SOX5: variants seen among roughly 807,000 people sequenced by gnomAD.
SOX5 encodes the protein transcription factor SOX-5.
In SOX5, 9 loss-of-function variants were observed where a neutral mutation model predicts 92.0. The ratio of observed to expected loss-of-function variants is 0.10; its 90% CI spans 0.06 to 0.17. SOX5 has a LOEUF of 0.17. Ranked by LOEUF, SOX5 falls within the 10% of genes least tolerant of loss-of-function variation. The probability of loss-of-function intolerance (pLI) is 1.00; values close to 1 mark genes in which losing one functional copy is unlikely to be tolerated. For synonymous variants in SOX5, 344 were observed against 336.3 expected, an observed-to-expected ratio of 1.02 and a Z score of -0.25; for missense variants, 642 against 944.5, an observed-to-expected ratio of 0.68 and a Z score of 4.20.
intron 7 of SOX5, among the ~76,000 whole-genome samples, chr12:23,665,232 T>C (rs546590103): frequency 8.6e-5 from 13 of 151,826 alleles, no homozygotes; most frequent in African/African-American, 3.1e-4. Context: ...AGTCATGAAA[T>C]TGAATTATAA....
chr12:24,414,968 T>C (rs1964767759), intron 1 of SOX5, among the ~76,000 whole-genome samples: 1 of 152,198 alleles, frequency 6.6e-6, no homozygotes, highest in African/African-American at 2.4e-5. Flanking sequence ...ATGCAAATTA[T>C]ATTTCTTTGT....
chr12:23,985,356 C>T (rs1026472826), intron 4 of SOX5, among the ~76,000 whole-genome samples: 16 of 152,002 alleles, frequency 1.1e-4, no homozygotes, highest in Non-Finnish European at 1.8e-4. Flanking sequence ...TCAAGTGATC[C>T]TTCTGTCTTG....
At chr12:24,153,781 A>G (rs921825985) in intron 4 of SOX5, among the ~76,000 whole-genome samples, 1 of 152,144 alleles carries the variant, frequency 6.6e-6, no homozygotes, top group Non-Finnish European at 1.5e-5. Context: ...GATGATCCTG[A>G]TCTGTGAAAA....
intron 1 of SOX5, among the ~76,000 whole-genome samples, chr12:24,414,873 C>G (rs1051229819): frequency 1.6e-4 from 25 of 152,140 alleles, no homozygotes; most frequent in African/African-American, 6.0e-4. Flanking sequence ...GAGCTTTTAC[C>G]CTTGTCTTTT....
At chr12:23,779,479 A>G (rs1462262901) in intron 3 of SOX5, among the ~76,000 whole-genome samples, 2 of 151,466 alleles carry the variant, frequency 1.3e-5, no homozygotes, top group African/African-American at 4.9e-5. Context: ...CACATATTCA[A>G]AAATAACCAA....
At chr12:24,554,125 A>G (rs1205443395) in intron 1 of SOX5, among the ~76,000 whole-genome samples, 4 of 152,232 alleles carry the variant, frequency 2.6e-5, no homozygotes, top group African/African-American at 7.2e-5. Context: ...GCATCACAAG[A>G]ACTTGCATGC....
chr12:23,829,476 C>T (rs1033944326), intron 3 of SOX5, among the ~76,000 whole-genome samples: 1 of 152,100 alleles, frequency 6.6e-6, no homozygotes, highest in Non-Finnish European at 1.5e-5. Context: ...TAAGTGATAT[C>T]CCCAAAAGCT....
intron 2 of SOX5, among the ~76,000 whole-genome samples, chr12:24,322,520 T>C (rs1950300535): frequency 6.6e-6 from 1 of 152,182 alleles, no homozygotes; most frequent in South Asian, 2.1e-4. Context: ...TGTCCTCTTA[T>C]CCCTTCTAGT....
chr12:24,138,491 T>C (rs752011520), intron 4 of SOX5, among the ~76,000 whole-genome samples: 3 of 152,236 alleles, frequency 2.0e-5, no homozygotes, highest in Non-Finnish European at 2.9e-5. Context: ...TTTGGTTTAG[T>C]TGTGCATTAA....
At chr12:23,640,962 A>G in intron 7 of SOX5, 65 bp from the exon 8 acceptor site, 6 of 1,065,244 alleles carry the variant, frequency 5.6e-6, no homozygotes, top group Non-Finnish European at 8.5e-6. Context: ...AATTAAACTC[A>G]TGCATTCACT....
intron 8 of SOX5, among the ~76,000 whole-genome samples, chr12:23,626,891 G>T (rs2077892127): frequency 6.6e-6 from 1 of 151,892 alleles, no homozygotes; most frequent in Non-Finnish European, 1.5e-5. Context: ...GAAGACACTG[G>T]CAATGACCTT....
intron 3 of SOX5, among the ~76,000 whole-genome samples, chr12:24,252,818 A>C (rs551184837): frequency 3.4e-4 from 52 of 152,330 alleles, no homozygotes; most frequent in Non-Finnish European, 5.4e-4. Context: ...AAGCCCTTTT[A>C]CAGCTCCAAT....
intron 1 of SOX5, among the ~76,000 whole-genome samples, chr12:23,928,596 CAATA>C (rs1317427760): frequency 3.3e-5 from 5 of 151,486 alleles, no homozygotes; most frequent in African/African-American, 1.2e-4. Flanking sequence ...AATAATAAAA[CAATA>C]AACAATAAAA....
At chr12:24,229,856 G>T (rs1416204946) in intron 3 of SOX5, among the ~76,000 whole-genome samples, 1 of 152,120 alleles carries the variant, frequency 6.6e-6, no homozygotes, top group African/African-American at 2.4e-5. Context: ...TGATAATATT[G>T]TCTTTCTTTT....
chr12:24,034,311 G>C (rs1955800590), intron 4 of SOX5, among the ~76,000 whole-genome samples: 1 of 151,956 alleles, frequency 6.6e-6, no homozygotes, highest in Admixed American at 6.6e-5. Flanking sequence ...TTAAAATGAA[G>C]CTACTTGTTT....
chr12:24,501,351 G>C (rs1948176102), intron 1 of SOX5, among the ~76,000 whole-genome samples: 1 of 146,620 alleles, frequency 6.8e-6, no homozygotes. Context: ...CGTTTGGGTA[G>C]TACTTCAACT....
chr12:24,443,350 A>T (rs1940952808), intron 1 of SOX5, among the ~76,000 whole-genome samples: 1 of 152,206 alleles, frequency 6.6e-6, no homozygotes, highest in South Asian at 2.1e-4. Context: ...GATTACTGCA[A>T]ATGCTTTCAA....
intron 6 of SOX5, 91 bp from the exon 7 acceptor site, chr12:23,665,655 A>G (rs1185686767): frequency 9.2e-6 from 13 of 1,413,276 alleles, no homozygotes; most frequent in Non-Finnish European, 8.6e-6. Flanking sequence ...AAAGAAAATC[A>G]TTTATTCAAT....
rs34841595 is a variant in SOX5, at chr12:23,758,008, C to CAAAAAA, written c.482-2290_482-2285dup. On this transcript the variant is annotated intron_variant, in intron 3 of 14. Transcript: ENST00000451604. Reference sequence around the variant, plus strand: ...GTACTTGACTTTTAAGCACACACTACAAAAAAAAAAAAAAAAAAAAAAAAA... The same window carrying CAAAAAA: ...GTACTTGACTTTTAAGCACACACTACAAAAAAAAAAAAAAAAAAAAAAAAAAAAAAA... 3.8e-3 allele frequency among the ~76,000 whole-genome samples: 258 copies of CAAAAAA among 68,254 alleles called. 1 individual carries two copies. In the Middle Eastern group the frequency reaches 0.052, roughly 14 times the overall value. 44.8% of individuals were successfully genotyped at this position (68,254 alleles called of 152,430 possible).
Sources: allele counts gnomAD v4.1 joint callset (sites outside exome capture counted in the v4.1 genomes callset), GRCh38; gene constraint gnomAD v4.1.1; transcripts MANE v1.5; gene names NCBI Gene and HGNC (gene_info 2026-07-23, HGNC 2026-07-21).